MAGI2: variants seen among roughly 807,000 people sequenced by gnomAD.
MAGI2 encodes membrane associated guanylate kinase, WW and PDZ domain containing 2.
MAGI2 carries 35 observed loss-of-function variants against 133.3 expected under a neutral mutation model. The observed-to-expected ratio is 0.26, with a 90% CI of 0.20 to 0.35. The LOEUF (loss-of-function observed/expected upper bound fraction) is 0.35, where lower values mean the gene tolerates loss of function less well. MAGI2 is among the 10% of genes least tolerant of loss of function. MAGI2 has a pLI of 1.00. For synonymous variants in MAGI2, 729 were observed against 710.6 expected (o/e 1.03, Z -0.41); for missense variants, 1,636 against 1,863.4 (o/e 0.88, Z 2.25).
intron 1 of MAGI2, among the ~76,000 whole-genome samples, chr7:79,129,533 C>T (rs900688845): frequency 6.6e-6 from 1 of 152,142 alleles, no homozygotes; most frequent in African/African-American, 2.4e-5. Context: ...AACAGAGTAA[C>T]CTGTCATGAA....
In MAGI2 at chr7:79,330,471, A is replaced by G. The variant is rs1839995942; in HGVS notation, c.301+122549T>C. ...CAGCCTCCGAAAATGCTGGGATTAC[A>G]GGCATGAGCCACTGCGCCCGGCCCA... On this transcript the variant is annotated intron_variant, in intron 1 of 21. Coordinates refer to ENST00000354212, the MANE Select transcript of MAGI2 (RefSeq NM_012301.4). Among the ~76,000 whole-genome samples the G allele has an allele frequency of 2.0e-5, 3 of 152,222 alleles. No individual in the cohort carries two copies. In the South Asian group the frequency reaches 6.2e-4, roughly 32 times the overall value.
chr7:78,979,655 C>T (rs1188077969), intron 2 of MAGI2, among the ~76,000 whole-genome samples: 1 of 151,820 alleles, frequency 6.6e-6, no homozygotes, highest in African/African-American at 2.4e-5. Flanking sequence ...AAGTTCAATT[C>T]CCAGGTGGTC....
At chr7:78,743,313 G>A (rs908626819) in intron 2 of MAGI2, among the ~76,000 whole-genome samples, 1 of 152,096 alleles carries the variant, frequency 6.6e-6, no homozygotes, top group Non-Finnish European at 1.5e-5. Context: ...TGTGTCTGAA[G>A]GCACTTTGTA....
intron 6 of MAGI2, among the ~76,000 whole-genome samples, chr7:78,483,710 C>CTA (rs1343910446): frequency 2.6e-5 from 4 of 152,000 alleles, no homozygotes; most frequent in South Asian, 4.2e-4. Flanking sequence ...GGAAAGGGCA[C>CTA]TATATTATTG....
In MAGI2 at chr7:78,724,805, A is replaced by G. The variant is rs534856982; in HGVS notation, c.419-97566T>C. Among the ~76,000 whole-genome samples the G allele has an allele frequency of 4.6e-5, 7 of 152,286 alleles. No individual in the cohort carries two copies. The South Asian group carries it at 1.2e-3, about 27-fold the overall frequency. On this transcript the variant is annotated intron_variant, in intron 2 of 21. Transcript: ENST00000354212. ...CCTAACTTTTGAGTTTCAACTTCTA[A>G]TAACAATGCATAACAGCACTTGCCA... is the stretch of plus-strand genomic sequence containing the variant.
intron 20 of MAGI2, among the ~76,000 whole-genome samples, chr7:78,097,954 AC>A (rs1489932554): frequency 6.6e-6 from 1 of 152,132 alleles, no homozygotes; most frequent in Non-Finnish European, 1.5e-5. Flanking sequence ...CTTTTTAAGA[AC>A]CCTTCTCAGA....
At chr7:78,647,673 G>T (rs1368626689) in intron 2 of MAGI2, among the ~76,000 whole-genome samples, 4 of 152,130 alleles carry the variant, frequency 2.6e-5, no homozygotes, top group Non-Finnish European at 5.9e-5. Context: ...ATGAAATAAT[G>T]CTACTACAAA....
chr7:78,152,712 A>T (rs751717759), intron 16 of MAGI2, among the ~76,000 whole-genome samples: 3 of 152,204 alleles, frequency 2.0e-5, no homozygotes, highest in Non-Finnish European at 4.4e-5. Flanking sequence ...AATTAGTTAT[A>T]TTAGAAGCCA....
At chr7:79,089,602 T>C (rs1199584595) in intron 1 of MAGI2, among the ~76,000 whole-genome samples, 1 of 152,038 alleles carries the variant, frequency 6.6e-6, no homozygotes, top group Non-Finnish European at 1.5e-5. Flanking sequence ...GTGGCACATA[T>C]ACACCATGGA....
chr7:78,221,263 T>G (rs1788800374), intron 10 of MAGI2, among the ~76,000 whole-genome samples: 1 of 152,226 alleles, frequency 6.6e-6, no homozygotes, highest in Admixed American at 6.5e-5. Context: ...TCAGGATGAC[T>G]GCTCCCCACA....
In MAGI2 at chr7:79,136,013, GAA is replaced by G. The variant is rs1348063635; in HGVS notation, c.302-128809_302-128808del. Among the ~76,000 whole-genome samples the G allele has an allele frequency of 1.8e-3, 205 of 114,712 alleles. 3 individuals are homozygous for G. Among genetic ancestry groups the G allele is most frequent in the African/African-American group, 7.4e-3 (177 of 24,080 alleles). The allele number at this position is 114,712 out of a possible 152,430, so 75.3% of individuals were successfully genotyped here. The stretch of plus-strand genomic sequence containing the variant: ...AAAGAAAGAAAGAAAGAGAAAGAAA[GAA>G]AGAAAGAAAGAAGGAAAGAAAGAAA... On this transcript the variant is annotated intron_variant, in intron 1 of 21. Coordinates refer to ENST00000354212, the MANE Select transcript of MAGI2 (RefSeq NM_012301.4).
intron 2 of MAGI2, among the ~76,000 whole-genome samples, chr7:78,826,211 A>G (rs570751701): frequency 1.7e-4 from 26 of 151,920 alleles, no homozygotes; most frequent in Non-Finnish European, 2.5e-4. Context: ...AAAATTAGCC[A>G]GGTGTGGTGG....
intron 2 of MAGI2, among the ~76,000 whole-genome samples, chr7:78,765,821 C>T (rs1477435329): frequency 6.6e-6 from 1 of 151,922 alleles, no homozygotes; most frequent in African/African-American, 2.4e-5. Context: ...ACCCAAAACA[C>T]CCGAGAAGTG....
At chr7:78,486,730 A>T (rs1793052833) in intron 6 of MAGI2, 1 of 399,676 alleles carries the variant, frequency 2.5e-6, no homozygotes, top group Non-Finnish European at 4.9e-6. Flanking sequence ...GTGGTTTGGA[A>T]AATGTTGGTA....
At chr7:78,139,615 G>A (rs1822536132) in intron 16 of MAGI2, among the ~76,000 whole-genome samples, 1 of 152,192 alleles carries the variant, frequency 6.6e-6, no homozygotes, top group Non-Finnish European at 1.5e-5. Context: ...AGCATGCCTT[G>A]CAGACATCAT....
chr7:78,901,532 C>A (rs1055921334), intron 2 of MAGI2: 5 of 152,096 alleles, frequency 3.3e-5, no homozygotes, highest in Non-Finnish European at 5.9e-5. Context: ...AGAACAACAA[C>A]AAAAAACCTG....
chr7:79,177,808 C>A (rs1340506375), intron 1 of MAGI2, among the ~76,000 whole-genome samples: 1 of 152,042 alleles, frequency 6.6e-6, no homozygotes, highest in Non-Finnish European at 1.5e-5. Context: ...ACTCGATGTT[C>A]CATCATCATT....
chr7:78,619,788 A>C (rs1315378466), intron 3 of MAGI2, among the ~76,000 whole-genome samples: 1 of 151,930 alleles, frequency 6.6e-6, no homozygotes, highest in Non-Finnish European at 1.5e-5. Flanking sequence ...TCACCAAAAA[A>C]TTCTGGCATT....
At chr7:79,294,512 C>A (rs1209586841) in intron 1 of MAGI2, among the ~76,000 whole-genome samples, 1 of 152,050 alleles carries the variant, frequency 6.6e-6, no homozygotes, top group Non-Finnish European at 1.5e-5. Context: ...CCTCTCAGTG[C>A]ACAGGCCTGT....
Sources: gnomAD v4.1 joint callset for allele counts (sites outside exome capture counted in the v4.1 genomes callset) on GRCh38, gnomAD v4.1.1 for gene constraint, MANE v1.5 for transcripts, NCBI Gene and HGNC (gene_info 2026-07-23, HGNC 2026-07-21) for gene names.